Variants in PDS5B observed in about 807,000 individuals in gnomAD.
The protein encoded by PDS5B is sister chromatid cohesion protein PDS5 homolog B.
Under a neutral mutation model 184.1 loss-of-function variants are expected in PDS5B, and 51 were observed. That is an observed-to-expected ratio of 0.28 (90% CI 0.22 to 0.35). The LOEUF (loss-of-function observed/expected upper bound fraction) is 0.35, where lower values mean the gene tolerates loss of function less well. Ranked by LOEUF, PDS5B falls within the 10% of genes least tolerant of loss-of-function variation. The pLI is 1.00. For missense variants in PDS5B, 1,180 were observed against 1,723.3 expected, an observed-to-expected ratio of 0.68 and a Z score of 5.58; for synonymous variants, 566 against 569.2, an observed-to-expected ratio of 0.99 and a Z score of 0.08.
intron 1 of PDS5B, among the ~76,000 whole-genome samples, chr13:32,638,327 G>A (rs1182604101): frequency 6.6e-6 from 1 of 152,176 alleles, no homozygotes; most frequent in Non-Finnish European, 1.5e-5. Context: ...CACATTGTAA[G>A]GGTGTAGATA....
chr13:32,757,057 G>T (rs1453752522), intron 26 of PDS5B, among the ~76,000 whole-genome samples: 1 of 151,850 alleles, frequency 6.6e-6, no homozygotes, highest in Non-Finnish European at 1.5e-5. Flanking sequence ...CCTGGGTGGT[G>T]GAGGTTGGCA....
chr13:32,676,712 A>C (rs1390564979), intron 9 of PDS5B, among the ~76,000 whole-genome samples: 1 of 152,116 alleles, frequency 6.6e-6, no homozygotes, highest in Non-Finnish European at 1.5e-5. Context: ...CAGGTGGATC[A>C]CAAGGTCAGG....
Position 32,678,936 on chromosome 13 carries a change from T to C in PDS5B, c.1057+7T>C, listed in dbSNP as rs1566317286. The C allele has an allele frequency of 2.1e-6, 3 of 1,443,856 alleles. No homozygotes were observed. The highest frequency in any genetic ancestry group is 4.5e-5 in the East Asian group (2 of 44,044). The allele number at this position is 1,443,856 out of a possible 1,614,324, so 89.4% of individuals were successfully genotyped here. On this transcript the variant is annotated splice_region_variant and intron_variant, in intron 10 of 34. Coordinates refer to ENST00000315596, the MANE Select transcript of PDS5B (RefSeq NM_015032.4). ...TTAGCAAAAGACTTAACAGGTACTA[T>C]ATATATGTAACAGCAAATATTCTTA...
chr13:32,733,561 A>G (rs1406687800), intron 20 of PDS5B, among the ~76,000 whole-genome samples: 1 of 152,182 alleles, frequency 6.6e-6, no homozygotes, highest in Non-Finnish European at 1.5e-5. Flanking sequence ...TTTTGACTAA[A>G]TGAAGCCTCA....
intron 5 of PDS5B, among the ~76,000 whole-genome samples, chr13:32,658,751 T>C (rs1950575968): frequency 6.6e-6 from 1 of 152,162 alleles, no homozygotes; most frequent in East Asian, 1.9e-4. Flanking sequence ...TGTAAAATTT[T>C]TTTGGATTGC....
In PDS5B at chr13:32,770,712, C is replaced by G; in HGVS notation, c.4123C>G (p.Arg1375Gly). 1 of 1,610,344 alleles carries G rather than the reference C, an allele frequency of 6.2e-7. No individual in the cohort carries two copies. The highest frequency in any genetic ancestry group is 8.5e-7 in the Non-Finnish European group (1 of 1,178,288). The stretch of plus-strand genomic sequence containing the variant: ...CACACAGTCCACACCACAGAAAGGA[C>G]GAGGAAGACCATCAAAAACGCCATC... The part of the protein sequence containing the change: ...ESTQSTPQKG[R>G]GRPSKTPSPS... The change falls in exon 33 of 35, where the codon CGA becomes GGA. Residue 1375 changes from arginine to glycine, a missense_variant. Around this residue, in one of 11 missense-constraint regions of PDS5B, gnomAD observed 465 missense variants for 497.8 expected, o/e 0.93. Transcript: ENST00000315596.
intron 6 of PDS5B, among the ~76,000 whole-genome samples, chr13:32,666,753 T>C (rs1419517801): frequency 6.6e-6 from 1 of 152,194 alleles, no homozygotes; most frequent in Admixed American, 6.5e-5. Flanking sequence ...TTAAATGCAT[T>C]TTGACTTACT....
rs1954971424 is a variant in PDS5B at position 32,776,803 on chromosome 13, G to T, written c.*1751G>T. On this transcript the variant is annotated 3_prime_UTR_variant, in exon 35 of 35. Coordinates refer to ENST00000315596, the MANE Select transcript of PDS5B (RefSeq NM_015032.4). The stretch of plus-strand genomic sequence containing the variant: ...TTGATGTGATTATTTTTCTTTTAAA[G>T]ATTTGTTTGTGTTTATGAAACAGCC... 2 of 152,382 alleles carry T rather than the reference G, an allele frequency of 1.3e-5. No homozygotes were observed. The highest frequency in any genetic ancestry group is 6.6e-5 in the Admixed American group (1 of 15,240). The allele number at this position is 152,382 out of a possible 1,614,324, so 9.4% of individuals were successfully genotyped here.
chr13:32,631,923 T>G (rs1317148491), intron 1 of PDS5B, among the ~76,000 whole-genome samples: 3 of 152,144 alleles, frequency 2.0e-5, no homozygotes, highest in Non-Finnish European at 2.9e-5. Flanking sequence ...GAATCAAAAT[T>G]TCTAGAGGAG....
At chr13:32,662,407 T>C (rs948687940) in intron 6 of PDS5B, among the ~76,000 whole-genome samples, 23 of 152,042 alleles carry the variant, frequency 1.5e-4, no homozygotes, top group African/African-American at 5.1e-4. Context: ...TATAAAAATA[T>C]TGAGGATTTG....
intron 1 of PDS5B, among the ~76,000 whole-genome samples, chr13:32,604,461 G>A (rs2058028863): frequency 6.6e-6 from 1 of 152,218 alleles, no homozygotes; most frequent in African/African-American, 2.4e-5. Flanking sequence ...TTGATGTGCT[G>A]CTGGATTTGG....
chr13:32,598,994 TCTC>T (rs1406141436), intron 1 of PDS5B, among the ~76,000 whole-genome samples: 7 of 151,898 alleles, frequency 4.6e-5, no homozygotes, highest in Non-Finnish European at 8.8e-5. Flanking sequence ...ATGGTCTCGA[TCTC>T]CTGACCTCGT....
At chr13:32,619,473 C>T (rs1013609714) in intron 1 of PDS5B, among the ~76,000 whole-genome samples, 3 of 152,102 alleles carry the variant, frequency 2.0e-5, no homozygotes, top group Admixed American at 6.5e-5. Flanking sequence ...AAATGTAGAG[C>T]ACTTACCATG....
In PDS5B at chr13:32,594,153, T is replaced by C. The variant is rs11841926; in HGVS notation, c.-20+7560T>C. On this transcript the variant is annotated intron_variant, in intron 1 of 34. Transcript: ENST00000315596. ...ATAAAAATAAAACCCCCGAACCTAC[T>C]AGCTGTCACTTCCCATCACCCCTTA... Among the ~76,000 whole-genome samples, 1,422 of 152,310 alleles carry C rather than the reference T, an allele frequency of 9.3e-3. 23 individuals carry two copies. Among genetic ancestry groups the C allele is most frequent in the African/African-American group, 0.032 (1,310 of 41,578 alleles).
intron 24 of PDS5B, 133 bp from the exon 25 acceptor site, chr13:32,753,199 G>A (rs143757320): frequency 5.8e-4 from 373 of 647,552 alleles, no homozygotes; most frequent in African/African-American, 5.4e-3. Flanking sequence ...TCTCACTCTT[G>A]TGAGCAGTGA....
chr13:32,745,028 T>A (rs1376668910), intron 23 of PDS5B, among the ~76,000 whole-genome samples: 1 of 152,198 alleles, frequency 6.6e-6, no homozygotes, highest in Non-Finnish European at 1.5e-5. Flanking sequence ...TTAGCTAATA[T>A]ATCACTATAT....
At chr13:32,742,077 A>G (rs1953579289) in intron 22 of PDS5B, among the ~76,000 whole-genome samples, 1 of 152,180 alleles carries the variant, frequency 6.6e-6, no homozygotes, top group South Asian at 2.1e-4. Flanking sequence ...TAGCTCTGTA[A>G]AAAGCTGAGC....
At chr13:32,622,004 C>T (rs1593275897) in intron 1 of PDS5B, among the ~76,000 whole-genome samples, 1 of 151,604 alleles carries the variant, frequency 6.6e-6, no homozygotes, top group East Asian at 1.9e-4. Context: ...TTTTTTTTCC[C>T]TAATGTTAAT....
intron 3 of PDS5B, among the ~76,000 whole-genome samples, chr13:32,653,123 A>C (rs1453364516): frequency 6.6e-6 from 1 of 151,944 alleles, no homozygotes; most frequent in Non-Finnish European, 1.5e-5. Flanking sequence ...GTGAAACTTC[A>C]TCTCTACTCA....
Sources: gnomAD v4.1 joint callset for allele counts (sites outside exome capture counted in the v4.1 genomes callset) on GRCh38, gnomAD v4.1.1 for gene constraint, gnomAD v4.1.1 regional missense constraint, MANE v1.5 for transcripts, NCBI Gene and HGNC (gene_info 2026-07-23, HGNC 2026-07-21) for gene names.